ARB2A: variants seen among roughly 807,000 people sequenced by gnomAD.
ARB2A encodes the protein cotranscriptional regulator ARB2A.
the ARB2A span, among the ~76,000 whole-genome samples, chr5:93,869,624 A>C: frequency 1.3e-5 from 2 of 152,188 alleles, no homozygotes; most frequent in Admixed American, 6.5e-5. Flanking sequence ...GAAGATCCAC[A>C]AAAGAAGTGA....
chr5:93,735,601 C>T, the ARB2A span: 1 of 152,250 alleles, frequency 6.6e-6, no homozygotes, highest in Admixed American at 6.5e-5. Flanking sequence ...CTTTCTAAGG[C>T]TTTCCAGAAG....
the ARB2A span, among the ~76,000 whole-genome samples, chr5:93,770,368 C>A: frequency 6.6e-6 from 1 of 152,156 alleles, no homozygotes; most frequent in African/African-American, 2.4e-5. Context: ...TGGGAAAAAA[C>A]TGGAAGCATT....
the ARB2A span, among the ~76,000 whole-genome samples, chr5:93,881,919 T>A: frequency 6.6e-6 from 1 of 151,264 alleles, no homozygotes. Context: ...ACAAAAAATA[T>A]AATTGCAACA....
chr5:93,872,815 G>A, the ARB2A span, among the ~76,000 whole-genome samples: 1 of 152,066 alleles, frequency 6.6e-6, no homozygotes, highest in Non-Finnish European at 1.5e-5. Flanking sequence ...TACCCAGGAG[G>A]CTGAAGCAGG....
chr5:93,977,263 A>G, the ARB2A span, among the ~76,000 whole-genome samples: 1 of 152,088 alleles, frequency 6.6e-6, no homozygotes, highest in Non-Finnish European at 1.5e-5. Flanking sequence ...TAAAATTCAC[A>G]TGGAACCAAA....
At chr5:93,996,470 T>C in the ARB2A span, among the ~76,000 whole-genome samples, 2 of 152,076 alleles carry the variant, frequency 1.3e-5, no homozygotes, top group Admixed American at 1.3e-4. Flanking sequence ...TAAACTGATT[T>C]GTGAGATTAT....
At chr5:93,676,336 A>G in the ARB2A span, among the ~76,000 whole-genome samples, 2 of 152,146 alleles carry the variant, frequency 1.3e-5, no homozygotes, top group African/African-American at 4.8e-5. Context: ...CTTTCTTGTT[A>G]TTTAATTAGT....
the ARB2A span, among the ~76,000 whole-genome samples, chr5:93,799,989 T>C: frequency 4.6e-5 from 7 of 152,088 alleles, no homozygotes; most frequent in Admixed American, 1.3e-4. Context: ...CAAAAGTATA[T>C]GTTATTCAAT....
chr5:93,772,467 T>C, the ARB2A span, among the ~76,000 whole-genome samples: 1 of 151,758 alleles, frequency 6.6e-6, no homozygotes, highest in Non-Finnish European at 1.5e-5. Flanking sequence ...AATAATAAAA[T>C]AAAAAAATTT....
the ARB2A span, among the ~76,000 whole-genome samples, chr5:93,654,553 G>A: frequency 1.3e-5 from 2 of 152,048 alleles, no homozygotes; most frequent in African/African-American, 2.4e-5. Context: ...TATTTTTAAT[G>A]ATATTCCCCC....
At chr5:93,743,630 A>G in the ARB2A span, 3 of 772,922 alleles carry the variant, frequency 3.9e-6, no homozygotes, top group Non-Finnish European at 4.7e-6. Flanking sequence ...AAAGCAATAT[A>G]TATGCTAAGG....
chr5:93,991,075 T>C, the ARB2A span, among the ~76,000 whole-genome samples: 1 of 152,114 alleles, frequency 6.6e-6, no homozygotes, highest in Non-Finnish European at 1.5e-5. Flanking sequence ...AAGGTGAAAC[T>C]GCAGGAGACT....
the ARB2A span, among the ~76,000 whole-genome samples, chr5:93,921,494 C>T: frequency 6.6e-5 from 10 of 151,906 alleles, no homozygotes; most frequent in African/African-American, 1.9e-4. Flanking sequence ...CAAGAGGCAA[C>T]GGACATGTTC....
chr5:94,103,802 A>C, the ARB2A span, among the ~76,000 whole-genome samples: 5 of 151,894 alleles, frequency 3.3e-5, no homozygotes, highest in African/African-American at 4.8e-5. Flanking sequence ...ATTCAAAAAA[A>C]AAAAAAAAAA....
the ARB2A span, among the ~76,000 whole-genome samples, chr5:93,753,799 G>T: frequency 6.6e-6 from 1 of 152,164 alleles, no homozygotes; most frequent in African/African-American, 2.4e-5. Flanking sequence ...GTAAGTTCTG[G>T]GAGAAAATAT....
the ARB2A span, among the ~76,000 whole-genome samples, chr5:93,685,564 G>A: frequency 6.6e-6 from 1 of 152,090 alleles, no homozygotes; most frequent in Admixed American, 6.6e-5. Context: ...AGAACTGCAA[G>A]TTCTAAAAGC....
chr5:94,087,670 G>A, the ARB2A span, among the ~76,000 whole-genome samples: 1 of 152,138 alleles, frequency 6.6e-6, no homozygotes, highest in South Asian at 2.1e-4. Context: ...CTCACTCAGA[G>A]CAACTTCCAG....
chr5:93,907,310 G>A, the ARB2A span, among the ~76,000 whole-genome samples: 1 of 151,318 alleles, frequency 6.6e-6, no homozygotes, highest in Non-Finnish European at 1.5e-5. Flanking sequence ...TAAAATCCAA[G>A]AAATCTGCAC....
chr5:94,060,175 T>C, the ARB2A span, among the ~76,000 whole-genome samples: 2 of 151,980 alleles, frequency 1.3e-5, no homozygotes, highest in African/African-American at 4.8e-5. Context: ...CTGACCAACA[T>C]GACCCCGTCT....
Sources: gnomAD v4.1 joint callset for allele counts (sites outside exome capture counted in the v4.1 genomes callset) on GRCh38, gnomAD v4.1.1 for gene constraint, MANE v1.5 for transcripts, NCBI Gene and HGNC (gene_info 2026-07-23, HGNC 2026-07-21) for gene names.